Variants in UXS1 observed in about 807,000 individuals in gnomAD.
The protein encoded by UXS1 is UDP-glucuronic acid decarboxylase 1.
A neutral mutation model predicts 62.6 loss-of-function variants in UXS1; 33 were observed. The observed-to-expected ratio is 0.53, with a 90% confidence interval of 0.40 to 0.70. The LOEUF (loss-of-function observed/expected upper bound fraction) is 0.70, where lower values mean the gene tolerates loss of function less well. Among genes scored for constraint, UXS1 ranks in the 30% least tolerant of loss-of-function variants. UXS1 has a pLI of 0.00. For synonymous variants in UXS1, 213 were observed against 206.8 expected (o/e 1.03, Z -0.26); for missense variants, 434 against 556.3 (o/e 0.78, Z 2.21).
chr2:106,096,395 GAC>G (rs1677108964), intron 14 of UXS1, among the ~76,000 whole-genome samples: 1 of 152,216 alleles, frequency 6.6e-6, no homozygotes, highest in Non-Finnish European at 1.5e-5. Context: ...GTGTGTGGGA[GAC>G]AGTGTGAGTA....
chr2:106,138,497 GATTT>G, intron 6 of UXS1: 1 of 985,390 alleles, frequency 1.0e-6, no homozygotes, highest in Non-Finnish European at 1.2e-6. Flanking sequence ...CACCCTTCAG[GATTT>G]CCAGGCGGGC....
rs1279452259 is a variant in UXS1 at position 106,158,059 on chromosome 2, A to G, written c.290T>C (p.Leu97Ser). The G allele has an allele frequency of 2.6e-6, 4 of 1,562,788 alleles. No individual in the cohort carries two copies. The highest frequency in any genetic ancestry group is 3.5e-6 in the Non-Finnish European group (4 of 1,152,240). Residue 97 changes from leucine (L) to serine (S), a missense_variant and splice_region_variant, in exon 5 of 15, where the codon TTG becomes TCG. Around this residue, in one of 3 missense-constraint regions of UXS1, gnomAD observed 134 missense variants for 251.9 expected, o/e 0.53. Transcript: ENST00000283148. ...TACTATTCAGGTGTGCAAACTTACC[A>G]AAATTCTTTTCCGATCCTTTTCTGA... Reference protein sequence around the residue: ...FLSEKDRKRILITGGAGFVGS... With the variant: ...FLSEKDRKRISITGGAGFVGS...
At chr2:106,186,079 A>G (rs1684529594) in intron 1 of UXS1, among the ~76,000 whole-genome samples, 1 of 152,244 alleles carries the variant, frequency 6.6e-6, no homozygotes. Context: ...AATAACTATC[A>G]AAAGATTTAC....
intron 5 of UXS1, among the ~76,000 whole-genome samples, chr2:106,149,461 T>C (rs1386131532): frequency 6.6e-6 from 1 of 152,072 alleles, no homozygotes; most frequent in Admixed American, 6.6e-5. Context: ...GAGGAGTGAG[T>C]GTGTTATCGT....
intron 6 of UXS1, among the ~76,000 whole-genome samples, chr2:106,137,586 C>T (rs931930825): frequency 6.6e-6 from 1 of 151,360 alleles, no homozygotes; most frequent in Non-Finnish European, 1.5e-5. Flanking sequence ...GTCAGGAGTT[C>T]GAATCCAGCC....
chr2:106,098,418 T>C (rs1303526585), intron 13 of UXS1, among the ~76,000 whole-genome samples: 2 of 152,220 alleles, frequency 1.3e-5, no homozygotes, highest in Admixed American at 1.3e-4. Flanking sequence ...GGAAATCCAA[T>C]AGTTGTCACC....
chr2:106,128,470 G>A lies in UXS1; in HGVS notation c.577+1204C>T, dbSNP rs186264846. On this transcript the variant is annotated intron_variant, in intron 7 of 14. Coordinates refer to ENST00000283148, the MANE Select transcript of UXS1 (RefSeq NM_001253875.2). The stretch of plus-strand genomic sequence containing the variant: ...AGAGGATAATTTGAATGTGTAGACT[G>A]CGTAGAACACATGGCCCTCCCCAAC... 3.0e-4 allele frequency among the ~76,000 whole-genome samples: 45 copies of A among 152,230 alleles called. No homozygotes were observed. The East Asian group carries it at 5.8e-3, about 20-fold the overall frequency.
chr2:106,157,802 G>A (rs1456925409), intron 5 of UXS1, among the ~76,000 whole-genome samples: 2 of 152,190 alleles, frequency 1.3e-5, no homozygotes, highest in African/African-American at 2.4e-5. Flanking sequence ...CATAGAGATA[G>A]AGAGTAGTTT....
At chr2:106,192,669 G>T in intron 1 of UXS1, among the ~76,000 whole-genome samples, 1 of 152,058 alleles carries the variant, frequency 6.6e-6, no homozygotes, top group East Asian at 1.9e-4. Context: ...GCTGTTCGAA[G>T]ACCTGGGTTC....
Position 106,112,694 on chromosome 2 carries a change from T to A in UXS1, c.831A>T (p.Arg277=). 1 of 1,614,030 alleles carries A rather than the reference T, an allele frequency of 6.2e-7. No homozygotes were observed. Among genetic ancestry groups the A allele is most frequent in the Non-Finnish European group, 8.5e-7 (1 of 1,179,892 alleles). ...CCTGCAGGATGAAGTTGCTGACTACTCGCCCATCGTTCATGTGCATGCGTG... is the reference window on the plus strand; with the variant it reads ...CCTGCAGGATGAAGTTGCTGACTACACGCCCATCGTTCATGTGCATGCGTG... ...FGPRMHMNDG[R]VVSNFILQAL... The change falls in exon 10 of 15, where the codon CGA becomes CGT. Residue 277 remains arginine (R), a synonymous_variant. Coordinates refer to ENST00000283148, the MANE Select transcript of UXS1 (RefSeq NM_001253875.2).
intron 14 of UXS1, among the ~76,000 whole-genome samples, chr2:106,096,202 G>A (rs6722098): frequency 0.73 from 110,929 of 151,304 alleles, 40,941 homozygotes; most frequent in South Asian, 0.78. Context: ...GTGTGTGTGT[G>A]TGTATGTATG....
At chr2:106,124,169 T>A (rs1326089323) in intron 8 of UXS1, among the ~76,000 whole-genome samples, 1 of 152,220 alleles carries the variant, frequency 6.6e-6, no homozygotes, top group African/African-American at 2.4e-5. Flanking sequence ...AACCATTGAC[T>A]TAAATTCACA....
chr2:106,120,485 C>A (rs1679436851), intron 9 of UXS1, among the ~76,000 whole-genome samples: 1 of 152,164 alleles, frequency 6.6e-6, no homozygotes, highest in Non-Finnish European at 1.5e-5. Flanking sequence ...CCTCAACGTG[C>A]CCCCAGAGGT....
chr2:106,112,826 G>C (rs1488009310), intron 9 of UXS1, 61 bp from the exon 10 acceptor site: 2 of 1,565,964 alleles, frequency 1.3e-6, no homozygotes, highest in African/African-American at 1.4e-5. Context: ...CATCCACTTT[G>C]CATTTCCAGT....
intron 13 of UXS1, 83 bp from the exon 14 acceptor site, chr2:106,096,904 AC>A: frequency 7.5e-7 from 1 of 1,334,432 alleles, no homozygotes; most frequent in Non-Finnish European, 1.0e-6. Flanking sequence ...TCAAAGGCAA[AC>A]CCCATATGTG....
chr2:106,150,248 T>C (rs916102957), intron 5 of UXS1, among the ~76,000 whole-genome samples: 8 of 152,136 alleles, frequency 5.3e-5, no homozygotes, highest in African/African-American at 1.7e-4. Flanking sequence ...CAAAAAAAAT[T>C]TTTTAAGTCC....
At chr2:106,096,370 T>C (rs1558667971) in intron 14 of UXS1, among the ~76,000 whole-genome samples, 1 of 152,136 alleles carries the variant, frequency 6.6e-6, no homozygotes. Context: ...TGACAGTGTA[T>C]ATATGACAGT....
At chr2:106,166,912 A>G (rs963828086) in intron 1 of UXS1, among the ~76,000 whole-genome samples, 16 of 152,188 alleles carry the variant, frequency 1.1e-4, no homozygotes, top group African/African-American at 3.4e-4. Context: ...CATGTCTGAA[A>G]GAAGTCCTAA....
At chr2:106,097,933 T>A (rs577656262) in intron 13 of UXS1, among the ~76,000 whole-genome samples, 8 of 152,314 alleles carry the variant, frequency 5.3e-5, no homozygotes, top group African/African-American at 1.7e-4. Context: ...ATTCCAGCCA[T>A]CCGGGTCGAT....
Sources: gnomAD v4.1 joint callset for allele counts (sites outside exome capture counted in the v4.1 genomes callset) on GRCh38, gnomAD v4.1.1 for gene constraint, gnomAD v4.1.1 regional missense constraint, MANE v1.5 for transcripts, NCBI Gene and HGNC (gene_info 2026-07-23, HGNC 2026-07-21) for gene names.